Variants in SLC71A2 observed in about 807,000 individuals in gnomAD.
SLC71A2 encodes the protein solute carrier family 71 member 2.
the SLC71A2 span, among the ~76,000 whole-genome samples, chr9:94,386,075 A>G: frequency 6.6e-6 from 1 of 152,058 alleles, no homozygotes; most frequent in African/African-American, 2.4e-5. Flanking sequence ...TAGCTTAGTG[A>G]TAGTAAGTCT....
the SLC71A2 span, among the ~76,000 whole-genome samples, chr9:94,400,692 G>A: frequency 2.0e-5 from 3 of 151,908 alleles, no homozygotes; most frequent in East Asian, 1.9e-4. Flanking sequence ...TACATTCTGC[G>A]TTCCATCCTG....
At chr9:94,377,271 A>G in the SLC71A2 span, among the ~76,000 whole-genome samples, 1 of 151,874 alleles carries the variant, frequency 6.6e-6, no homozygotes, top group Admixed American at 6.6e-5. Context: ...AATGTGTTGG[A>G]ATTTCCTTAC....
the SLC71A2 span, among the ~76,000 whole-genome samples, chr9:94,457,001 C>G: frequency 6.9e-6 from 1 of 144,396 alleles, no homozygotes; most frequent in East Asian, 2.3e-4. Flanking sequence ...CAGGGTCTCA[C>G]TGTCACCCAG....
At chr9:94,398,402 G>A in the SLC71A2 span, among the ~76,000 whole-genome samples, 18 of 151,946 alleles carry the variant, frequency 1.2e-4, no homozygotes, top group South Asian at 2.1e-4. Context: ...CAAAGTTTCC[G>A]TAGCTTATAT....
the SLC71A2 span, among the ~76,000 whole-genome samples, chr9:94,378,618 A>C: frequency 2.0e-5 from 3 of 152,090 alleles, no homozygotes; most frequent in African/African-American, 7.2e-5. Context: ...CAAACAATAA[A>C]CAAAACCAAT....
the SLC71A2 span, among the ~76,000 whole-genome samples, chr9:94,427,504 C>G: frequency 6.8e-6 from 1 of 147,286 alleles, no homozygotes; most frequent in South Asian, 2.2e-4. Flanking sequence ...ATCTCTTATT[C>G]CTAAACTGCA....
chr9:94,449,343 G>A, the SLC71A2 span, among the ~76,000 whole-genome samples: 2 of 152,110 alleles, frequency 1.3e-5, no homozygotes, highest in Non-Finnish European at 2.9e-5. Flanking sequence ...TAAATAACTT[G>A]TATCCAGAAT....
the SLC71A2 span, among the ~76,000 whole-genome samples, chr9:94,425,993 A>C: frequency 2.0e-5 from 3 of 151,918 alleles, no homozygotes; most frequent in Non-Finnish European, 4.4e-5. Context: ...TAGTCTAGAT[A>C]CCTGTGGTTA....
the SLC71A2 span, chr9:94,459,335 G>A: frequency 6.2e-7 from 1 of 1,614,148 alleles, no homozygotes. Flanking sequence ...TGAGGACATT[G>A]AGCCACTACT....
chr9:94,418,488 G>A, the SLC71A2 span, among the ~76,000 whole-genome samples: 1 of 151,984 alleles, frequency 6.6e-6, no homozygotes, highest in African/African-American at 2.4e-5. Context: ...TGTCACTCAG[G>A]CTGGAGTGCA....
At chr9:94,447,432 G>A in the SLC71A2 span, among the ~76,000 whole-genome samples, 2 of 150,088 alleles carry the variant, frequency 1.3e-5, no homozygotes, top group Admixed American at 6.6e-5. Flanking sequence ...CACCCGCCTC[G>A]GTCTCCCAAA....
At chr9:94,390,888 T>C in the SLC71A2 span, among the ~76,000 whole-genome samples, 1 of 152,106 alleles carries the variant, frequency 6.6e-6, no homozygotes, top group African/African-American at 2.4e-5. Context: ...TAACTATGCA[T>C]AGCTTATTAC....
chr9:94,449,863 G>A, the SLC71A2 span, among the ~76,000 whole-genome samples: 1 of 152,196 alleles, frequency 6.6e-6, no homozygotes, highest in Non-Finnish European at 1.5e-5. Context: ...CTATACATTA[G>A]AATGTTAATT....
At chr9:94,414,934 A>C in the SLC71A2 span, among the ~76,000 whole-genome samples, 3 of 152,162 alleles carry the variant, frequency 2.0e-5, no homozygotes, top group East Asian at 5.8e-4. Flanking sequence ...CTGAGATTAC[A>C]AGCTTGAGCC....
At chr9:94,452,674 TA>T in the SLC71A2 span, among the ~76,000 whole-genome samples, 1 of 55,252 alleles carries the variant, frequency 1.8e-5, no homozygotes, top group Admixed American at 2.2e-4. Flanking sequence ...TATTCATATA[TA>T]TTCATATATT....
chr9:94,387,880 G>A, the SLC71A2 span, among the ~76,000 whole-genome samples: 1 of 152,296 alleles, frequency 6.6e-6, no homozygotes, highest in African/African-American at 2.4e-5. Flanking sequence ...AAGCCACGAG[G>A]AGATCTGAAG....
the SLC71A2 span, among the ~76,000 whole-genome samples, chr9:94,396,771 A>T: frequency 5.3e-5 from 8 of 151,952 alleles, no homozygotes; most frequent in African/African-American, 1.9e-4. Context: ...GCTCTAATAT[A>T]TTTTTTTTCT....
the SLC71A2 span, among the ~76,000 whole-genome samples, chr9:94,407,637 A>G: frequency 6.6e-6 from 1 of 152,118 alleles, no homozygotes; most frequent in African/African-American, 2.4e-5. Context: ...TCGGCCTCCC[A>G]AAGTGCTGGG....
At chr9:94,457,480 G>A in the SLC71A2 span, among the ~76,000 whole-genome samples, 1 of 151,558 alleles carries the variant, frequency 6.6e-6, no homozygotes. Flanking sequence ...CAGAAGTTAG[G>A]TATCTTACTC....
Sources: gnomAD v4.1 joint callset for allele counts (sites outside exome capture counted in the v4.1 genomes callset) on GRCh38, gnomAD v4.1.1 for gene constraint, MANE v1.5 for transcripts, NCBI Gene and HGNC (gene_info 2026-07-23, HGNC 2026-07-21) for gene names.